ZKSCAN7: variants seen among roughly 807,000 people sequenced by gnomAD.
ZKSCAN7 encodes zinc finger with KRAB and SCAN domains 7.
In ZKSCAN7, 38 loss-of-function variants were observed where a neutral mutation model predicts 65.3. The ratio of observed to expected loss-of-function variants is 0.58; its 90% CI spans 0.45 to 0.76. ZKSCAN7 has a LOEUF of 0.76. ZKSCAN7 is among the 30% of genes least tolerant of loss of function. The probability of loss-of-function intolerance (pLI) is 0.00; values close to 1 mark genes in which losing one functional copy is unlikely to be tolerated. For synonymous variants in ZKSCAN7, 321 were observed against 321.0 expected (o/e 1.00, Z 0.00); for missense variants, 815 against 913.3 (o/e 0.89, Z 1.39).
intron 2 of ZKSCAN7, among the ~76,000 whole-genome samples, chr3:44,563,017 A>G (rs1424121002): frequency 2.6e-5 from 4 of 152,132 alleles, no homozygotes; most frequent in Non-Finnish European, 5.9e-5. Context: ...GATACCCTGA[A>G]TCATTTCTCT....
At chr3:44,580,084 T>C (rs1157036710) in intron 5 of ZKSCAN7, 4 of 1,605,016 alleles carry the variant, frequency 2.5e-6, no homozygotes, top group African/African-American at 1.3e-5. Flanking sequence ...TTGGTCTCCA[T>C]GTGCTCTGCC....
At chr3:44,564,133 A>C (rs1169623939) in intron 2 of ZKSCAN7, among the ~76,000 whole-genome samples, 1 of 152,232 alleles carries the variant, frequency 6.6e-6, no homozygotes, top group Admixed American at 6.5e-5. Context: ...TTATTTAGAT[A>C]ATATTTTAGG....
At chr3:44,578,770 T>C (rs1699985099) in intron 5 of ZKSCAN7, among the ~76,000 whole-genome samples, 2 of 152,186 alleles carry the variant, frequency 1.3e-5, no homozygotes, top group South Asian at 4.1e-4. Flanking sequence ...GGTCTTTCTC[T>C]TCTCGAAGTT....
At position 44,568,383 on chromosome 3, in the gene ZKSCAN7, C is replaced by T. The variant is rs145410032; in HGVS notation, c.761C>T (p.Ala254Val). 6.9e-5 allele frequency: 112 copies of T among 1,614,154 alleles called. No individual in the cohort carries two copies. The African/African-American group carries it at 1.3e-3, about 18-fold the overall frequency. ...KWKSLTLSQR[A>V]LQWNMMPENH... ...AAAAGTCTCACACTCAGTCAGAGAGCCCTGCAGTGGAACATGATGCCAGAA... is the reference window on the plus strand; with the variant it reads ...AAAAGTCTCACACTCAGTCAGAGAGTCCTGCAGTGGAACATGATGCCAGAA... The change falls in exon 5 of 6, where the codon GCC (alanine) becomes GTC (valine). Residue 254 changes from alanine (A) to valine (V), a missense_variant. Physicochemically the swap from Ala to Val is moderately conservative, Grantham distance 64. Around this residue, in one of 3 missense-constraint regions of ZKSCAN7, gnomAD observed 578 missense variants for 629.5 expected, o/e 0.92. Transcript: ENST00000426540.
In ZKSCAN7 at chr3:44,555,499, A is replaced by T. The variant is rs1247778348; in HGVS notation, c.-119+18A>T. On this transcript the variant is annotated intron_variant, in intron 1 of 5. Coordinates refer to ENST00000426540, the MANE Select transcript of ZKSCAN7 (RefSeq NM_001288590.2). ...GTGGCCAGGTGAGCGGCGCTGCTGAAGCCTGGTTTAACACGAAAGGTAGAT... is the reference window on the plus strand; with the variant it reads ...GTGGCCAGGTGAGCGGCGCTGCTGATGCCTGGTTTAACACGAAAGGTAGAT... 6.6e-6 allele frequency: 1 copy of T among 152,326 alleles called. No homozygotes were observed. The highest frequency in any genetic ancestry group is 2.4e-5 in the African/African-American group (1 of 41,478). 9.4% of individuals were successfully genotyped at this position (152,326 alleles called of 1,614,324 possible).
chr3:44,580,441 T>C, intron 5 of ZKSCAN7: 1 of 1,600,654 alleles, frequency 6.2e-7, no homozygotes, highest in Non-Finnish European at 8.5e-7. Flanking sequence ...GTGGACTTGG[T>C]GGTGGGGACT....
intron 5 of ZKSCAN7, chr3:44,581,085 A>G (rs2125737283): frequency 9.1e-7 from 1 of 1,104,800 alleles, no homozygotes; most frequent in South Asian, 2.8e-5. Flanking sequence ...CCGGCGGGCT[A>G]GGGGCTCAGC....
At chr3:44,580,880 C>G in intron 5 of ZKSCAN7, 1 of 1,613,550 alleles carries the variant, frequency 6.2e-7, no homozygotes, top group South Asian at 1.1e-5. Context: ...CCAGGAGGAG[C>G]CAACCGCCAT....
At position 44,557,009 on chromosome 3, in the gene ZKSCAN7, A is replaced by G; in HGVS notation, c.-39A>G. The G allele has an allele frequency of 6.2e-7, 1 of 1,612,648 alleles. No individual in the cohort carries two copies. Among genetic ancestry groups the G allele is most frequent in the Non-Finnish European group, 8.5e-7 (1 of 1,179,592 alleles). ...AACTATTGACCATCATTTTAATCGGACCAACTGCAGCTGTAACAAGCTTCT... is the reference window on the plus strand; with the variant it reads ...AACTATTGACCATCATTTTAATCGGGCCAACTGCAGCTGTAACAAGCTTCT... On this transcript the variant is annotated 5_prime_UTR_variant, in exon 2 of 6. Transcript: ENST00000426540.
chr3:44,580,839 A>G (rs1700058561), intron 5 of ZKSCAN7: 4 of 1,613,498 alleles, frequency 2.5e-6, no homozygotes, highest in African/African-American at 1.3e-5. Context: ...AGACCGGTGC[A>G]CTGAGTTGTC....
At chr3:44,580,604 C>T (rs1043269241) in intron 5 of ZKSCAN7, 9 of 1,613,926 alleles carry the variant, frequency 5.6e-6, no homozygotes, top group Non-Finnish European at 5.9e-6. Context: ...GCATCTCCAG[C>T]CACCCACTGA....
intron 5 of ZKSCAN7, among the ~76,000 whole-genome samples, chr3:44,579,120 G>A (rs1375344298): frequency 6.6e-6 from 1 of 152,020 alleles, no homozygotes; most frequent in African/African-American, 2.4e-5. Flanking sequence ...TGATGCCACC[G>A]CTGCTCGATC....
chr3:44,570,639 TTGCTCGACATCAGGTCC>T lies in ZKSCAN7; in HGVS notation c.1533_1549del (p.Arg512HisfsTer3). ...GAGGCATTCATTCGAAGCAAAAGTC[TTGCTCGACATCAGGTCC>T]TGCACACTGGTAAGAAACCTTACAA... On this transcript the variant is annotated frameshift_variant, in exon 6 of 6. Transcript: ENST00000426540. LOFTEE classifies it high-confidence loss of function. The T allele has an allele frequency of 6.2e-7, 1 of 1,614,028 alleles. No individual in the cohort carries two copies. Among genetic ancestry groups the T allele is most frequent in the Non-Finnish European group, 8.5e-7 (1 of 1,179,976 alleles).
In ZKSCAN7 at chr3:44,570,093, A is replaced by T. The variant is rs769975607; in HGVS notation, c.983A>T (p.Asp328Val). 2 of 1,614,024 alleles carry T rather than the reference A, an allele frequency of 1.2e-6. No individual in the cohort carries two copies. Among genetic ancestry groups the T allele is most frequent in the Non-Finnish European group, 1.7e-6 (2 of 1,179,964 alleles). Residue 328 changes from aspartate to valine, a missense_variant, in exon 6 of 6, where the codon GAT (aspartate) becomes GTT (valine). Physicochemically the swap from Asp to Val is radical, Grantham distance 152. This residue lies in a region of ZKSCAN7 where 578 missense variants were observed against 629.5 expected (regional missense o/e 0.92). Transcript: ENST00000426540. The stretch of plus-strand genomic sequence containing the variant: ...AAGGAGTTAGAAGGACAAACCTCAG[A>T]TGAAGAAGGGAGCAGACTAGAAAAT... ...TFKELEGQTS[D>V]EEGSRLENDF...
At chr3:44,573,342 C>T (rs992676307), downstream of ZKSCAN7, among the ~76,000 whole-genome samples, 7 of 152,110 alleles carry the variant, frequency 4.6e-5, no homozygotes, top group African/African-American at 1.7e-4. Context: ...GCTAGAGGAG[C>T]CATGCGAGTT....
intron 5 of ZKSCAN7, among the ~76,000 whole-genome samples, chr3:44,577,526 G>T (rs998744873): frequency 2.0e-5 from 3 of 152,260 alleles, no homozygotes; most frequent in Non-Finnish European, 4.4e-5. Flanking sequence ...TCTGACCAGT[G>T]GGGATTCCAT....
At chr3:44,578,154 C>T (rs937347086) in intron 5 of ZKSCAN7, 2 of 1,519,592 alleles carry the variant, frequency 1.3e-6, no homozygotes, top group Non-Finnish European at 1.8e-6. Context: ...CTCTTTCAAC[C>T]TGCTGATGTC....
downstream of ZKSCAN7, among the ~76,000 whole-genome samples, chr3:44,576,895 T>C (rs1258108037): frequency 6.6e-6 from 1 of 152,152 alleles, no homozygotes; most frequent in African/African-American, 2.4e-5. Context: ...TGGAAATAGC[T>C]TGGTTGTGAA....
At position 44,556,782 on chromosome 3, in the gene ZKSCAN7, AAGAAGGGCATCATTTGG is replaced by A. The variant is rs1157640341; in HGVS notation, c.-118-144_-118-128del. The A allele has an allele frequency of 5.7e-6, 3 of 526,670 alleles. No homozygotes were observed. In the African/African-American group the frequency reaches 5.7e-5, roughly 10 times the overall value. The allele number at this position is 526,670 out of a possible 1,614,324, so 32.6% of individuals were successfully genotyped here. A position where few individuals can be genotyped will look rare whatever the true frequency, so the allele number is the denominator to read the frequency against. Reference sequence around the variant, plus strand: ...AGGTAATGGGAGCCACTGAAACTTTAAGAAGGGCATCATTTGGAGAGATGCTTACTAAGAATGCCTGG... The same window carrying A: ...AGGTAATGGGAGCCACTGAAACTTTAAGAGATGCTTACTAAGAATGCCTGG... On this transcript the variant is annotated intron_variant, in intron 1 of 5. Transcript: ENST00000426540.
Sources: allele counts gnomAD v4.1 joint callset (sites outside exome capture counted in the v4.1 genomes callset), GRCh38; gene constraint gnomAD v4.1.1; regional missense constraint gnomAD v4.1.1; transcripts MANE v1.5; gene names NCBI Gene and HGNC (gene_info 2026-07-23, HGNC 2026-07-21).